The following PI4KB variants were observed in gnomAD, a reference collection of about 807,000 sequenced individuals.
PI4KB encodes the protein phosphatidylinositol 4-kinase beta.
PI4KB carries 23 observed loss-of-function variants against 81.4 expected under a neutral mutation model. The ratio of observed to expected loss-of-function variants is 0.28; its 90% confidence interval spans 0.20 to 0.40. The LOEUF (loss-of-function observed/expected upper bound fraction) is 0.40, where lower values mean the gene tolerates loss of function less well. Ranked by LOEUF, PI4KB falls within the 10% of genes least tolerant of loss-of-function variation. The pLI, the probability that PI4KB is intolerant of heterozygous loss-of-function variation, is 1.00. For synonymous variants in PI4KB, 381 were observed against 406.8 expected (o/e 0.94, Z 0.76); for missense variants, 651 against 1,036.6 (o/e 0.63, Z 5.11).
At chr1:151,309,981 G>A (rs1696072735) in intron 3 of PI4KB, among the ~76,000 whole-genome samples, 1 of 152,196 alleles carries the variant, frequency 6.6e-6, no homozygotes, top group African/African-American at 2.4e-5. Flanking sequence ...AGCTGTCTCT[G>A]AGAGAAGGAT....
chr1:151,315,800 G>C lies in PI4KB; in HGVS notation c.682C>G (p.Gln228Glu). The stretch of plus-strand genomic sequence containing the variant: ...AGCTTGGTCCCACGGGAGTGTCGTT[G>C]AGTGGAAATGTGCATGTCTGAAGAA... Reference protein sequence around the residue: ...AYSSDMHISTQRHSRGTKLRK... With the variant: ...AYSSDMHISTERHSRGTKLRK... Residue 228 changes from glutamine (Q) to glutamate (E), a missense_variant, in exon 2 of 12, where the codon CAA becomes GAA. Coordinates refer to ENST00000368873, the MANE Select transcript of PI4KB (RefSeq NM_001369623.2). The C allele has an allele frequency of 6.2e-7, 1 of 1,613,004 alleles. No homozygotes were observed. The highest frequency in any genetic ancestry group is 8.5e-7 in the Non-Finnish European group (1 of 1,179,420).
In PI4KB at chr1:151,293,173, C is replaced by T. The variant is rs1201449102; in HGVS notation, c.2270-140G>A. 6.7e-6 allele frequency: 10 copies of T among 1,482,474 alleles called. No homozygotes were observed. In the Admixed American group the frequency reaches 2.5e-4, roughly 38 times the overall value. The allele number at this position is 1,482,474 out of a possible 1,614,324, so 91.8% of individuals were successfully genotyped here. On this transcript the variant is annotated intron_variant, in intron 11 of 11. Transcript: ENST00000368873. ...CCTTGATGATGTGGGTGCAGTTCTG[C>T]TTGGGCAGAGAGAAGGAACCGGCAG...
rs1043328295 is a variant in PI4KB at position 151,311,391 on chromosome 1, A to G, written c.910-1136T>C. Among the ~76,000 whole-genome samples the G allele has an allele frequency of 5.3e-5, 8 of 152,206 alleles. No homozygotes were observed. In the East Asian group the frequency reaches 1.2e-3, roughly 22 times the overall value. On this transcript the variant is annotated intron_variant, in intron 2 of 11. Transcript: ENST00000368873. ...AGATTCAAGCATCCACTTGAACTCAATTCCATGGTTTCAGTTCTATTCTAG... is the reference window on the plus strand; with the variant it reads ...AGATTCAAGCATCCACTTGAACTCAGTTCCATGGTTTCAGTTCTATTCTAG...
intron 3 of PI4KB, among the ~76,000 whole-genome samples, chr1:151,308,968 G>C (rs916951492): frequency 2.0e-5 from 3 of 152,232 alleles, no homozygotes; most frequent in African/African-American, 4.8e-5. Context: ...ATGTGCAACA[G>C]TGCCAGGATT....
chr1:151,299,828 A>G (rs986787900), intron 8 of PI4KB, among the ~76,000 whole-genome samples: 12 of 152,158 alleles, frequency 7.9e-5, no homozygotes, highest in African/African-American at 2.9e-4. Flanking sequence ...TCAGAAGATC[A>G]ATATTTCAGC....
intron 2 of PI4KB, among the ~76,000 whole-genome samples, chr1:151,312,702 T>G (rs587762171): frequency 1.4e-4 from 21 of 152,308 alleles, no homozygotes; most frequent in Admixed American, 1.2e-3. Context: ...GACAAAAGCC[T>G]TGACAGACGC....
At chr1:151,293,266 G>A in intron 11 of PI4KB, 1 of 1,412,598 alleles carries the variant, frequency 7.1e-7, no homozygotes, top group Non-Finnish European at 9.3e-7. Flanking sequence ...GAAGGAAGGG[G>A]ACCAACACCA....
upstream of PI4KB, chr1:151,327,460 C>A: frequency 2.5e-6 from 1 of 397,254 alleles, no homozygotes; most frequent in South Asian, 1.3e-4. Flanking sequence ...TTCAGGCTGC[C>A]ACAAGTTCGA....
chr1:151,317,986 A>AT (rs1391026487), intron 1 of PI4KB, among the ~76,000 whole-genome samples: 1 of 151,244 alleles, frequency 6.6e-6, no homozygotes, highest in Admixed American at 6.6e-5. Flanking sequence ...TTAAAAAAAA[A>AT]TTTTTTTGTG....
rs1696191792 is a variant in PI4KB, at chr1:151,311,218, G to A, written c.910-963C>T. Among the ~76,000 whole-genome samples the A allele has an allele frequency of 2.0e-5, 3 of 152,212 alleles. No individual in the cohort carries two copies. In the South Asian group the frequency reaches 6.2e-4, roughly 32 times the overall value. The stretch of plus-strand genomic sequence containing the variant: ...GTTCTGTCCAACATGGTCTACCAGG[G>A]CAGGGAACAGAGCAGCACGTGTGCA... On this transcript the variant is annotated intron_variant, in intron 2 of 11. Transcript: ENST00000368873.
upstream of PI4KB, chr1:151,327,467 TCGAC>T: frequency 2.5e-6 from 1 of 396,984 alleles, no homozygotes; most frequent in Non-Finnish European, 4.4e-6. Flanking sequence ...TGCCACAAGT[TCGAC>T]CGGGCCACAC....
intron 1 of PI4KB, among the ~76,000 whole-genome samples, chr1:151,320,364 A>G (rs1053523581): frequency 6.6e-6 from 1 of 152,160 alleles, no homozygotes; most frequent in Non-Finnish European, 1.5e-5. Flanking sequence ...AATATCATAT[A>G]GTCCAGCTCC....
intron 1 of PI4KB, among the ~76,000 whole-genome samples, chr1:151,318,004 C>T (rs532355502): frequency 1.3e-5 from 2 of 151,808 alleles, no homozygotes; most frequent in Admixed American, 6.6e-5. Flanking sequence ...GTGCAGATGG[C>T]GTCTTGCTGT....
At chr1:151,322,673 G>A (rs965595571) in intron 1 of PI4KB, among the ~76,000 whole-genome samples, 3 of 152,126 alleles carry the variant, frequency 2.0e-5, no homozygotes, top group African/African-American at 7.2e-5. Flanking sequence ...AAGCAGGCAG[G>A]CTGGCTCAAT....
intron 9 of PI4KB, among the ~76,000 whole-genome samples, chr1:151,297,479 T>C (rs1032143478): frequency 6.6e-6 from 1 of 151,662 alleles, no homozygotes; most frequent in Non-Finnish European, 1.5e-5. Flanking sequence ...TAGCTGGGAT[T>C]ACAGGTGTGC....
At chr1:151,301,403 T>C (rs1695264965) in intron 8 of PI4KB, among the ~76,000 whole-genome samples, 1 of 148,212 alleles carries the variant, frequency 6.7e-6, no homozygotes, top group African/African-American at 2.5e-5. Flanking sequence ...TTTATTTTTA[T>C]TTTTTTTTTT....
chr1:151,295,364 T>C (rs1478095593), intron 9 of PI4KB, among the ~76,000 whole-genome samples: 1 of 152,226 alleles, frequency 6.6e-6, no homozygotes, highest in Non-Finnish European at 1.5e-5. Context: ...AAGGAGAACC[T>C]AGTCCAACCT....
intron 1 of PI4KB, among the ~76,000 whole-genome samples, chr1:151,325,330 AC>A (rs1311918526): frequency 6.6e-6 from 1 of 152,086 alleles, no homozygotes; most frequent in South Asian, 2.1e-4. Context: ...AGGAGACTGC[AC>A]CATGACTAAC....
At chr1:151,293,373 T>G in intron 11 of PI4KB, 1 of 1,324,222 alleles carries the variant, frequency 7.6e-7, no homozygotes, top group Non-Finnish European at 9.9e-7. Context: ...GTTGCAGACC[T>G]CTGCCTATGC....
Sources: gnomAD v4.1 joint callset for allele counts (sites outside exome capture counted in the v4.1 genomes callset) on GRCh38, gnomAD v4.1.1 for gene constraint, MANE v1.5 for transcripts, NCBI Gene and HGNC (gene_info 2026-07-23, HGNC 2026-07-21) for gene names.